Variants in LURAP1 observed in about 807,000 individuals in gnomAD.
LURAP1 encodes NF-kappa-B activator C1orf190.
Under a neutral mutation model 19.0 loss-of-function variants are expected in LURAP1, and 14 were observed. That is an observed-to-expected ratio of 0.74 (90% CI 0.49 to 1.15). The LOEUF is 1.15. Among genes scored for constraint, LURAP1 ranks in the 50% most tolerant of loss-of-function variants. The pLI is 0.00. For missense variants in LURAP1, 273 were observed against 309.1 expected (o/e 0.88, Z 0.87); for synonymous variants, 129 against 131.8 (o/e 0.98, Z 0.14).
intron 1 of LURAP1, among the ~76,000 whole-genome samples, chr1:46,210,706 G>T (rs1156864549): frequency 6.6e-6 from 1 of 152,172 alleles, no homozygotes; most frequent in Non-Finnish European, 1.5e-5. Context: ...CGGAACTTCT[G>T]TGCTCTCCCT....
chr1:46,209,592 T>C (rs2148241897), intron 1 of LURAP1, among the ~76,000 whole-genome samples: 1 of 149,462 alleles, frequency 6.7e-6, no homozygotes, highest in African/African-American at 2.5e-5. Flanking sequence ...TTGCCCAGGC[T>C]AGAGTGCAGT....
In LURAP1 at chr1:46,203,516, G is replaced by T; in HGVS notation, c.90G>T (p.Gly30=). 1.3e-6 allele frequency: 2 copies of T among 1,561,080 alleles called. No individual in the cohort carries two copies. Among genetic ancestry groups the T allele is most frequent in the Non-Finnish European group, 1.7e-6 (2 of 1,155,568 alleles). The change falls in exon 1 of 2, where the codon GGG becomes GGT. Residue 30 remains glycine, a synonymous_variant. Coordinates refer to ENST00000371980, the MANE Select transcript of LURAP1 (RefSeq NM_001013615.3). ...GRKTPEGLLR[G]LRGECELGTS... is the part of the protein sequence containing the mutation. ...AGACCCCTGAAGGGCTGCTCCGCGGGCTGCGAGGCGAGTGTGAGCTGGGAA... is the reference window on the plus strand; with the variant it reads ...AGACCCCTGAAGGGCTGCTCCGCGGTCTGCGAGGCGAGTGTGAGCTGGGAA...
At position 46,203,526 on chromosome 1, in the gene LURAP1, G is replaced by T; in HGVS notation, c.100G>T (p.Glu34Ter). 2 of 1,563,830 alleles carry T rather than the reference G, an allele frequency of 1.3e-6. No individual in the cohort carries two copies. The highest frequency in any genetic ancestry group is 2.4e-5 in the East Asian group (1 of 42,014). ...AGGGCTGCTCCGCGGGCTGCGAGGCGAGTGTGAGCTGGGAACCTCTGGCGC... is the reference window on the plus strand; with the variant it reads ...AGGGCTGCTCCGCGGGCTGCGAGGCTAGTGTGAGCTGGGAACCTCTGGCGC... Reference protein sequence around the residue: ...PEGLLRGLRGECELGTSGALL... With the variant: ...PEGLLRGLRG The change falls in exon 1 of 2, where the codon GAG becomes TAG. Residue 34 changes from glutamate to a stop codon, truncating the protein, a stop_gained. Transcript: ENST00000371980. LOFTEE classifies it high-confidence loss of function.
intron 1 of LURAP1, among the ~76,000 whole-genome samples, chr1:46,212,411 G>A (rs147785247): frequency 3.8e-4 from 58 of 151,814 alleles, no homozygotes; most frequent in Non-Finnish European, 7.4e-4. Context: ...CTCCCCAGCA[G>A]CTGGGACTAC....
intron 1 of LURAP1, 144 bp from the exon 2 acceptor site, chr1:46,219,555 C>T: frequency 1.2e-6 from 1 of 828,906 alleles, no homozygotes; most frequent in Non-Finnish European, 1.8e-6. Context: ...CTGTCTGCTT[C>T]TGAAGCCTAC....
At chr1:46,209,673 G>C (rs1428184391) in intron 1 of LURAP1, among the ~76,000 whole-genome samples, 1 of 150,972 alleles carries the variant, frequency 6.6e-6, no homozygotes, top group Non-Finnish European at 1.5e-5. Flanking sequence ...CCACCACACA[G>C]CTAATTTTTG....
rs371326152 is a variant in LURAP1, at chr1:46,219,759, A to C, written c.259A>C (p.Ile87Leu). 1 of 1,613,424 alleles carries C rather than the reference A, an allele frequency of 6.2e-7. No individual in the cohort carries two copies. Among genetic ancestry groups the C allele is most frequent in the South Asian group, 1.1e-5 (1 of 90,932 alleles). Residue 87 changes from isoleucine to leucine, a missense_variant, in exon 2 of 2, where the codon ATC becomes CTC. Transcript: ENST00000371980. ...LQQLVTLNEG[I>L]EAVRWLLEER... The stretch of plus-strand genomic sequence containing the variant: ...GCAGCTGGTGACCTTGAATGAGGGC[A>C]TCGAGGCAGTGCGCTGGCTGTTGGA...
intron 1 of LURAP1, among the ~76,000 whole-genome samples, chr1:46,208,786 A>T (rs1181558614): frequency 2.0e-5 from 3 of 152,082 alleles, no homozygotes; most frequent in Admixed American, 6.6e-5. Flanking sequence ...GGTTGCAATG[A>T]GCCAAGATCG....
intron 1 of LURAP1, among the ~76,000 whole-genome samples, chr1:46,204,153 C>CA (rs756690288): frequency 2.0e-5 from 3 of 152,168 alleles, no homozygotes; most frequent in Non-Finnish European, 4.4e-5. Context: ...CTACATCCCC[C>CA]AGCCCTACTT....
intron 1 of LURAP1, among the ~76,000 whole-genome samples, chr1:46,211,951 G>A (rs576912772): frequency 8.6e-5 from 13 of 151,956 alleles, no homozygotes; most frequent in African/African-American, 3.1e-4. Context: ...TATTAGAGAC[G>A]GGGTTTCACC....
chr1:46,216,115 C>G (rs1328195244), intron 1 of LURAP1, among the ~76,000 whole-genome samples: 1 of 125,166 alleles, frequency 8.0e-6, no homozygotes, highest in Non-Finnish European at 1.6e-5. Context: ...GGCGCGATCT[C>G]GGCTCACTGC....
At chr1:46,215,505 GAAGATCCT>G (rs1169549126) in intron 1 of LURAP1, among the ~76,000 whole-genome samples, 1 of 152,192 alleles carries the variant, frequency 6.6e-6, no homozygotes, top group Admixed American at 6.5e-5. Flanking sequence ...GGAACAAAGA[GAAGATCCT>G]AAAAGCTTTC....
At chr1:46,206,628 T>G (rs573862890) in intron 1 of LURAP1, among the ~76,000 whole-genome samples, 1 of 152,326 alleles carries the variant, frequency 6.6e-6, no homozygotes, top group South Asian at 2.1e-4. Context: ...AACCTTGCTT[T>G]CTTCTATTCT....
chr1:46,206,982 G>C (rs1658736848), intron 1 of LURAP1, among the ~76,000 whole-genome samples: 1 of 152,136 alleles, frequency 6.6e-6, no homozygotes, highest in Non-Finnish European at 1.5e-5. Flanking sequence ...GATGTGGTTG[G>C]GTTTGTGCTC....
Position 46,216,580 on chromosome 1 carries a change from G to A in LURAP1, c.199-3119G>A, listed in dbSNP as rs139542857. Among the ~76,000 whole-genome samples the A allele has an allele frequency of 7.3e-3, 1,104 of 152,198 alleles. 15 individuals are homozygous for A. Among genetic ancestry groups the A allele is most frequent in the South Asian group, 0.016 (76 of 4,826 alleles). On this transcript the variant is annotated intron_variant, in intron 1 of 1. Transcript: ENST00000371980. Reference sequence around the variant, plus strand: ...TGATCTCAAACTCCTAGACTCAAGTGATCCTCCTCTCTTGGCCTCTCCAAG... The same window carrying A: ...TGATCTCAAACTCCTAGACTCAAGTAATCCTCCTCTCTTGGCCTCTCCAAG...
intron 1 of LURAP1, among the ~76,000 whole-genome samples, chr1:46,219,264 C>T (rs1431797720): frequency 6.7e-6 from 1 of 150,130 alleles, no homozygotes; most frequent in Non-Finnish European, 1.5e-5. Context: ...CATTGCACTC[C>T]ATCCTGGACA....
intron 1 of LURAP1, among the ~76,000 whole-genome samples, chr1:46,214,539 C>T (rs905045351): frequency 2.0e-5 from 3 of 152,078 alleles, no homozygotes; most frequent in African/African-American, 4.8e-5. Flanking sequence ...GAAATAAACA[C>T]ATCATGGCGG....
chr1:46,219,762 G>A lies in LURAP1; in HGVS notation c.262G>A (p.Glu88Lys), dbSNP rs756450648. Residue 88 changes from glutamate (E) to lysine (K), a missense_variant, in exon 2 of 2, where the codon GAG becomes AAG. Transcript: ENST00000371980. ...QQLVTLNEGI[E>K]AVRWLLEERG... ...GCTGGTGACCTTGAATGAGGGCATC[G>A]AGGCAGTGCGCTGGCTGTTGGAGGA... 13 of 1,613,608 alleles carry A rather than the reference G, an allele frequency of 8.1e-6. No homozygotes were observed. Among genetic ancestry groups the A allele is most frequent in the Non-Finnish European group, 1.0e-5 (12 of 1,179,834 alleles).
intron 1 of LURAP1, among the ~76,000 whole-genome samples, chr1:46,213,184 A>T (rs1658957096): frequency 6.6e-6 from 1 of 151,708 alleles, no homozygotes; most frequent in Non-Finnish European, 1.5e-5. Flanking sequence ...TTCAGTCATC[A>T]TACGACCAAA....
Sources: gnomAD v4.1 joint callset for allele counts (sites outside exome capture counted in the v4.1 genomes callset) on GRCh38, gnomAD v4.1.1 for gene constraint, MANE v1.5 for transcripts, NCBI Gene and HGNC (gene_info 2026-07-23, HGNC 2026-07-21) for gene names.